Variants in DMXL1 observed in about 807,000 individuals in gnomAD.
The protein encoded by DMXL1 is Dmx like 1, also known as dmX-like protein 1.
A neutral mutation model predicts 319.2 loss-of-function variants in DMXL1; 99 were observed. The observed-to-expected ratio is 0.31, with a 90% CI of 0.26 to 0.37. The LOEUF (loss-of-function observed/expected upper bound fraction) is 0.37. DMXL1 is among the 10% of genes least tolerant of loss of function. The pLI is 1.00. For synonymous variants in DMXL1, 1,385 were observed against 1,235.2 expected, an observed-to-expected ratio of 1.12 and a Z score of -2.54; for missense variants, 3,745 against 3,595.6, an observed-to-expected ratio of 1.04 and a Z score of -1.06.
At chr5:119,082,450 A>G (rs1172422917) in intron 1 of DMXL1, among the ~76,000 whole-genome samples, 3 of 151,920 alleles carry the variant, frequency 2.0e-5, no homozygotes, top group Admixed American at 6.6e-5. Context: ...AATTTTTAAA[A>G]TTTTTTGTAG....
intron 43 of DMXL1, among the ~76,000 whole-genome samples, chr5:119,245,025 G>A (rs1381691175): frequency 6.6e-6 from 1 of 152,114 alleles, no homozygotes; most frequent in African/African-American, 2.4e-5. Flanking sequence ...CCTTTTCAGA[G>A]TCCATTGTGT....
intron 19 of DMXL1, among the ~76,000 whole-genome samples, chr5:119,157,380 T>C (rs559965214): frequency 1.8e-4 from 27 of 152,212 alleles, no homozygotes; most frequent in Non-Finnish European, 3.1e-4. Context: ...TGGTGTGATA[T>C]CCAAAAAAAT....
At chr5:119,181,204 C>T (rs575314789) in intron 28 of DMXL1, among the ~76,000 whole-genome samples, 1 of 152,282 alleles carries the variant, frequency 6.6e-6, no homozygotes, top group Non-Finnish European at 1.5e-5. Flanking sequence ...TATCCTACCA[C>T]TTATTTAACC....
intron 9 of DMXL1, among the ~76,000 whole-genome samples, chr5:119,123,899 C>G (rs1394803144): frequency 1.4e-5 from 2 of 147,634 alleles, no homozygotes; most frequent in Admixed American, 1.4e-4. Flanking sequence ...CAACATGATC[C>G]AGGTTTGATT....
chr5:119,080,344 C>A (rs1327903634), intron 1 of DMXL1, among the ~76,000 whole-genome samples: 1 of 152,096 alleles, frequency 6.6e-6, no homozygotes, highest in Non-Finnish European at 1.5e-5. Context: ...AAGACTTCGT[C>A]TCAAAAATAA....
At chr5:119,208,309 G>A (rs1392947535) in intron 34 of DMXL1, among the ~76,000 whole-genome samples, 1 of 151,668 alleles carries the variant, frequency 6.6e-6, no homozygotes, top group South Asian at 2.1e-4. Flanking sequence ...CGCCTCCCGG[G>A]TTCAAGCGAT....
At chr5:119,128,083 C>G (rs979513516) in intron 9 of DMXL1, 1 of 467,532 alleles carries the variant, frequency 2.1e-6, no homozygotes, top group African/African-American at 2.0e-5. Context: ...CCAACAATTA[C>G]TATTACCCAT....
At chr5:119,190,440 G>T (rs192042332) in intron 29 of DMXL1, among the ~76,000 whole-genome samples, 6 of 152,164 alleles carry the variant, frequency 3.9e-5, no homozygotes. Context: ...AATCATGTCA[G>T]TTCTTTTAAA....
chr5:119,110,016 T>G (rs1759219076), intron 4 of DMXL1, 135 bp from the exon 5 acceptor site: 1 of 663,682 alleles, frequency 1.5e-6, no homozygotes, highest in Admixed American at 3.5e-5. Context: ...AAATACAGCC[T>G]TCTCCTCCGT....
intron 15 of DMXL1, among the ~76,000 whole-genome samples, chr5:119,145,153 A>C (rs1768234951): frequency 6.6e-6 from 1 of 151,840 alleles, no homozygotes; most frequent in South Asian, 2.1e-4. Context: ...TTACAGAGCC[A>C]AACCAAACTC....
chr5:119,227,073 G>T lies in DMXL1; in HGVS notation c.8338+2304G>T, dbSNP rs547503352. ...GGCGAGTGGAACTGAAAGTTTCAAT[G>T]CTTTAGGCTATCTGTGGGACCCCAT... On this transcript the variant is annotated intron_variant, in intron 38 of 43. Transcript: ENST00000539542. 2.0e-5 allele frequency among the ~76,000 whole-genome samples: 3 copies of T among 152,224 alleles called. No individual in the cohort carries two copies. The South Asian group carries it at 6.2e-4, about 31-fold the overall frequency.
At chr5:119,086,544 A>T (rs1461885614) in intron 1 of DMXL1, among the ~76,000 whole-genome samples, 2 of 152,094 alleles carry the variant, frequency 1.3e-5, no homozygotes, top group African/African-American at 4.8e-5. Context: ...TGGTGTCAGG[A>T]TAATGCTGGT....
chr5:119,183,677 T>C (rs1777181059), intron 28 of DMXL1, among the ~76,000 whole-genome samples: 1 of 152,142 alleles, frequency 6.6e-6, no homozygotes, highest in Non-Finnish European at 1.5e-5. Flanking sequence ...TAGGCTGGTC[T>C]CAATCTCCTG....
intron 28 of DMXL1, among the ~76,000 whole-genome samples, chr5:119,182,512 T>G (rs866841247): frequency 8.5e-5 from 13 of 152,168 alleles, no homozygotes; most frequent in African/African-American, 3.1e-4. Context: ...CTGTTATAAA[T>G]TTGGATTTAA....
At chr5:119,117,781 C>G (rs2149902079) in intron 7 of DMXL1, among the ~76,000 whole-genome samples, 1 of 152,136 alleles carries the variant, frequency 6.6e-6, no homozygotes, top group South Asian at 2.1e-4. Flanking sequence ...AGAGAGCAAC[C>G]AATACAAATT....
intron 30 of DMXL1, among the ~76,000 whole-genome samples, chr5:119,194,694 T>C (rs969244491): frequency 1.3e-5 from 2 of 152,156 alleles, no homozygotes; most frequent in African/African-American, 2.4e-5. Flanking sequence ...AATTTTACTT[T>C]TTGAATATAT....
intron 19 of DMXL1, among the ~76,000 whole-genome samples, chr5:119,156,045 T>G (rs990995848): frequency 6.6e-6 from 1 of 152,192 alleles, no homozygotes; most frequent in African/African-American, 2.4e-5. Context: ...AAGTTCTAAA[T>G]TCTATCAAAT....
At position 119,167,875 on chromosome 5, in the gene DMXL1, C is replaced by T. The variant is rs760410072; in HGVS notation, c.5398+11C>T. 5 of 1,606,870 alleles carry T rather than the reference C, an allele frequency of 3.1e-6. No homozygotes were observed. The highest frequency in any genetic ancestry group is 3.3e-4 in the Middle Eastern group (2 of 5,992). ...TCAGAGAGAATGATGGTAAGCTGCA[C>T]TTCTAAGATGTTAATGATTAAGAAT... On this transcript the variant is annotated intron_variant, in intron 23 of 43. Coordinates refer to ENST00000539542, the MANE Select transcript of DMXL1 (RefSeq NM_001290321.3).
intron 5 of DMXL1, among the ~76,000 whole-genome samples, chr5:119,110,824 A>G (rs1759415094): frequency 1.3e-5 from 2 of 152,282 alleles, no homozygotes; most frequent in South Asian, 2.1e-4. Context: ...ACAGATTAGG[A>G]TCCAGGATTA....
Sources: gnomAD v4.1 joint callset for allele counts (sites outside exome capture counted in the v4.1 genomes callset) on GRCh38, gnomAD v4.1.1 for gene constraint, MANE v1.5 for transcripts, NCBI Gene and HGNC (gene_info 2026-07-23, HGNC 2026-07-21) for gene names.